The following MCF2L2 variants were observed in gnomAD, a reference collection of about 807,000 sequenced individuals.
MCF2L2 encodes MCF.2 cell line derived transforming sequence-like 2.
In MCF2L2, 102 loss-of-function variants were observed where a neutral mutation model predicts 150.2. The ratio of observed to expected loss-of-function variants is 0.68; its 90% confidence interval spans 0.58 to 0.80. The LOEUF (loss-of-function observed/expected upper bound fraction) is 0.80, where lower values mean the gene tolerates loss of function less well. MCF2L2 is among the 30% of genes least tolerant of loss of function. MCF2L2 has a pLI of 0.00. For missense variants in MCF2L2, 1,256 were observed against 1,372.8 expected, an observed-to-expected ratio of 0.91 and a Z score of 1.34; for synonymous variants, 465 against 491.3, an observed-to-expected ratio of 0.95 and a Z score of 0.71.
intron 15 of MCF2L2, chr3:183,254,594 G>C (rs1052156441): frequency 8.5e-5 from 13 of 152,152 alleles, no homozygotes; most frequent in African/African-American, 3.1e-4. Flanking sequence ...CCTCGGTGGC[G>C]GGACAGGCCC....
Position 183,227,107 on chromosome 3 carries a change from G to C in MCF2L2, c.2115+1190C>G, listed in dbSNP as rs1301046071. On this transcript the variant is annotated intron_variant, in intron 18 of 29. Coordinates refer to ENST00000328913, the MANE Select transcript of MCF2L2 (RefSeq NM_015078.4). The surrounding 1 kb of genome is among the most constrained non-coding windows in gnomAD (Gnocchi z 4.0). Reference sequence around the variant, plus strand: ...CTTACAACTTTAAGTTGTTTGATCTGTTGCCTTGGGTTCACAAAAATAAAA... The same window carrying C: ...CTTACAACTTTAAGTTGTTTGATCTCTTGCCTTGGGTTCACAAAAATAAAA... 2.0e-5 allele frequency: 3 copies of C among 152,160 alleles called. No individual in the cohort carries two copies. Among genetic ancestry groups the C allele is most frequent in the Admixed American group, 2.0e-4 (3 of 15,276 alleles). 9.4% of individuals were successfully genotyped at this position (152,160 alleles called of 1,614,324 possible). A position where few individuals can be genotyped will look rare whatever the true frequency, so the allele number is the denominator to read the frequency against.
intron 5 of MCF2L2, among the ~76,000 whole-genome samples, chr3:183,332,698 C>T (rs1047008199): frequency 6.6e-6 from 1 of 152,108 alleles, no homozygotes; most frequent in Non-Finnish European, 1.5e-5. Context: ...CGAAGGGACT[C>T]GTGAAGATGA....
At chr3:183,207,499 A>C in intron 23 of MCF2L2, 109 bp downstream of exon 23, 2 of 811,890 alleles carry the variant, frequency 2.5e-6, no homozygotes, top group African/African-American at 1.7e-5. Context: ...GTATTTGGCA[A>C]GTTAACTTCA....
In MCF2L2 at chr3:183,182,864, C is replaced by T. The variant is rs678454; in HGVS notation, c.3017-2705G>A. Among the ~76,000 whole-genome samples the T allele has an allele frequency of 2.5e-3, 386 of 152,308 alleles. 3 individuals are homozygous for T. Among genetic ancestry groups the T allele is most frequent in the Non-Finnish European group, 4.9e-3 (332 of 68,020 alleles). On this transcript the variant is annotated intron_variant, in intron 27 of 29. Transcript: ENST00000328913. Reference sequence around the variant, plus strand: ...TGCCCCGCCAGGGATGGTAATTGACCACCAGGCTGTGTGCCTTGTGGGGAC... The same window carrying T: ...TGCCCCGCCAGGGATGGTAATTGACTACCAGGCTGTGTGCCTTGTGGGGAC...
At chr3:183,362,679 CA>C in intron 3 of MCF2L2, among the ~76,000 whole-genome samples, 1 of 151,486 alleles carries the variant, frequency 6.6e-6, no homozygotes, top group East Asian at 1.9e-4. Flanking sequence ...GGCCATCTAT[CA>C]AAGAAACTAT....
intron 25 of MCF2L2, among the ~76,000 whole-genome samples, chr3:183,199,180 C>T (rs1722173489): frequency 1.3e-5 from 2 of 152,168 alleles, no homozygotes. Context: ...CGTTCCTGAG[C>T]AGCTGATGAT....
intron 15 of MCF2L2, among the ~76,000 whole-genome samples, chr3:183,266,303 G>A (rs1409271338): frequency 6.6e-6 from 1 of 152,222 alleles, no homozygotes. Flanking sequence ...GGGCACAGCT[G>A]CTCAGGAATA....
chr3:183,188,436 ACTCTGC>A (rs1299047359), intron 27 of MCF2L2, among the ~76,000 whole-genome samples: 1 of 152,010 alleles, frequency 6.6e-6, no homozygotes, highest in Non-Finnish European at 1.5e-5. Context: ...AGATTCATAT[ACTCTGC>A]CTCTTGGGGG....
At chr3:183,424,930 C>A (rs971297074) in intron 1 of MCF2L2, among the ~76,000 whole-genome samples, 3 of 152,024 alleles carry the variant, frequency 2.0e-5, no homozygotes, top group Non-Finnish European at 4.4e-5. Context: ...GAAATCTCAA[C>A]TATTAGGGGA....
At chr3:183,360,965 AAAGAAAAGAAAAGAAAAG>A (rs1712111307) in intron 3 of MCF2L2, among the ~76,000 whole-genome samples, 1 of 45,826 alleles carries the variant, frequency 2.2e-5, no homozygotes, top group Admixed American at 1.7e-4. Context: ...TCAGAAAAGA[AAAGAAAAGAAAAGAAAAG>A]AAAAGAAAAG....
chr3:183,351,226 A>ATG (rs1439911660), intron 3 of MCF2L2, among the ~76,000 whole-genome samples: 1 of 89,822 alleles, frequency 1.1e-5, no homozygotes, highest in Non-Finnish European at 2.0e-5. Context: ...ATATATATAT[A>ATG]TATATATATA....
intron 1 of MCF2L2, among the ~76,000 whole-genome samples, chr3:183,425,143 T>C (rs1306196081): frequency 6.6e-6 from 1 of 151,938 alleles, no homozygotes; most frequent in African/African-American, 2.4e-5. Context: ...GAAGTAGGAT[T>C]GAGGCAGGCA....
chr3:183,354,699 T>C (rs868440377), intron 3 of MCF2L2, among the ~76,000 whole-genome samples: 2 of 152,222 alleles, frequency 1.3e-5, no homozygotes, highest in African/African-American at 2.4e-5. Context: ...GTTGTTTGCC[T>C]GTAACTCCTG....
intron 15 of MCF2L2, among the ~76,000 whole-genome samples, chr3:183,274,490 G>A (rs1164623156): frequency 6.6e-6 from 1 of 152,132 alleles, no homozygotes; most frequent in African/African-American, 2.4e-5. Context: ...GTTTTTACCT[G>A]ATTCCTGCTC....
rs188647567 is a variant in MCF2L2, at chr3:183,249,477, G to A, written c.1863-18460C>T. Among the ~76,000 whole-genome samples, 20 of 152,330 alleles carry A rather than the reference G, an allele frequency of 1.3e-4. No individual in the cohort carries two copies. In the South Asian group the frequency reaches 3.3e-3, roughly 25 times the overall value. ...TGGCACATAAGAGATTTCCTTATGCGTTGGTGTGAAGGAGATGATCAGTTC... is the reference window on the plus strand; with the variant it reads ...TGGCACATAAGAGATTTCCTTATGCATTGGTGTGAAGGAGATGATCAGTTC... On this transcript the variant is annotated intron_variant, in intron 15 of 29. Transcript: ENST00000328913.
At chr3:183,219,525 C>G (rs955912271) in intron 21 of MCF2L2, among the ~76,000 whole-genome samples, 1 of 151,736 alleles carries the variant, frequency 6.6e-6, no homozygotes. Flanking sequence ...GCAGGAGAAT[C>G]GCTTGAACCC....
At chr3:183,217,053 G>C (rs960863750) in intron 21 of MCF2L2, among the ~76,000 whole-genome samples, 2 of 151,394 alleles carry the variant, frequency 1.3e-5, no homozygotes, top group African/African-American at 4.9e-5. Flanking sequence ...CAGCACTTTG[G>C]GAGGCTGAGA....
rs746013324 is a variant in MCF2L2, at chr3:183,309,726, T to C, written c.1103A>G (p.Glu368Gly). ...QILKEHKKLE[E>G]KSQEPLEKAQ... Reference sequence around the variant, plus strand: ...TGTCAGAAAGCAAACCTGGCTTTTTTCCTCCAGTTTTTTGTGTTCCTTAAG... The same window carrying C: ...TGTCAGAAAGCAAACCTGGCTTTTTCCCTCCAGTTTTTTGTGTTCCTTAAG... Residue 368 changes from glutamate to glycine, a missense_variant, in exon 10 of 30, where the codon GAA becomes GGA. By Grantham distance (98) the Glu-to-Gly change is moderately conservative. Transcript: ENST00000328913. 5 of 1,613,964 alleles carry C rather than the reference T, an allele frequency of 3.1e-6. No individual in the cohort carries two copies. The highest frequency in any genetic ancestry group is 2.5e-6 in the Non-Finnish European group (3 of 1,179,978).
intron 15 of MCF2L2, among the ~76,000 whole-genome samples, chr3:183,266,946 C>T (rs1001905846): frequency 6.6e-6 from 1 of 152,152 alleles, no homozygotes. Flanking sequence ...ACCACCACAC[C>T]CGGCTAATTT....
Sources: allele counts gnomAD v4.1 joint callset (sites outside exome capture counted in the v4.1 genomes callset), GRCh38; gene constraint gnomAD v4.1.1; non-coding constraint Gnocchi (gnomAD v3.1); transcripts MANE v1.5; gene names NCBI Gene and HGNC (gene_info 2026-07-23, HGNC 2026-07-21).